The following TPGS2 variants were observed in gnomAD, a reference collection of about 807,000 sequenced individuals.
TPGS2 encodes tubulin polyglutamylase complex subunit 2, also known as polyglutamylase subunit 2.
In TPGS2, 26 loss-of-function variants were observed where a neutral mutation model predicts 31.1. The observed-to-expected ratio is 0.84, with a 90% CI of 0.61 to 1.16. The LOEUF (loss-of-function observed/expected upper bound fraction) is 1.16, where lower values mean the gene tolerates loss of function less well. TPGS2 is among the 50% of genes most tolerant of loss of function. The pLI is 0.00. For missense variants in TPGS2, 351 were observed against 363.8 expected, an observed-to-expected ratio of 0.96 and a Z score of 0.29; for synonymous variants, 130 against 136.6, an observed-to-expected ratio of 0.95 and a Z score of 0.34.
chr18:36,808,777 G>T (rs1224049891), intron 2 of TPGS2, among the ~76,000 whole-genome samples: 2 of 149,554 alleles, frequency 1.3e-5, no homozygotes, highest in Non-Finnish European at 3.0e-5. Flanking sequence ...ACCGTTGCTG[G>T]AGAGAACAAA....
intron 4 of TPGS2, among the ~76,000 whole-genome samples, chr18:36,801,217 A>C (rs1293154468): frequency 6.6e-6 from 1 of 152,238 alleles, no homozygotes; most frequent in Non-Finnish European, 1.5e-5. Flanking sequence ...CTGCAATAGA[A>C]TAGATGTTGC....
In TPGS2 at chr18:36,794,215, T is replaced by C; in HGVS notation, c.*2590A>G. 2.2e-6 allele frequency: 2 copies of C among 926,694 alleles called. No individual in the cohort carries two copies. Among genetic ancestry groups the C allele is most frequent in the Non-Finnish European group, 1.3e-6 (1 of 776,650 alleles). The allele number at this position is 926,694 out of a possible 1,614,324, so 57.4% of individuals were successfully genotyped here. On this transcript the variant is annotated 3_prime_UTR_variant, in exon 7 of 7. Coordinates refer to ENST00000334295, the MANE Select transcript of TPGS2 (RefSeq NM_015476.4). The stretch of plus-strand genomic sequence containing the variant: ...TATGGAAGAAAGGAAAAACATTACA[T>C]TTTAGTACCTGTAAAGGTAATGTTT...
intron 1 of TPGS2, among the ~76,000 whole-genome samples, chr18:36,819,190 C>A (rs2045790831): frequency 6.6e-6 from 1 of 152,164 alleles, no homozygotes; most frequent in African/African-American, 2.4e-5. Context: ...GAAAGGATAT[C>A]CACAGACTGT....
chr18:36,788,231 A>G (rs1430089147), intron 6 of TPGS2, among the ~76,000 whole-genome samples: 1 of 438 alleles, frequency 2.3e-3, no homozygotes, highest in Non-Finnish European at 3.9e-3. Flanking sequence ...TTTCACAGGA[A>G]ATTTGAGTTT....
At chr18:36,787,558 G>A (rs191478398) in intron 6 of TPGS2, among the ~76,000 whole-genome samples, 5 of 152,318 alleles carry the variant, frequency 3.3e-5, no homozygotes, top group East Asian at 1.9e-4. Flanking sequence ...GAATAAAAAC[G>A]TGGTATTTAT....
intron 5 of TPGS2, 65 bp downstream of exon 5, chr18:36,800,133 C>T (rs2044731238): frequency 6.9e-7 from 1 of 1,451,904 alleles, no homozygotes; most frequent in East Asian, 2.3e-5. Context: ...TGAGCCATGG[C>T]TGACAAGCAA....
chr18:36,790,405 G>C (rs1329246560), downstream of TPGS2, among the ~76,000 whole-genome samples: 1 of 152,230 alleles, frequency 6.6e-6, no homozygotes, highest in Non-Finnish European at 1.5e-5. Context: ...CATCCAGAGA[G>C]ATGGTTTCTT....
At position 36,805,516 on chromosome 18, in the gene TPGS2, C is replaced by T. The variant is rs773125577; in HGVS notation, c.254-14G>A. On this transcript the variant is annotated splice_polypyrimidine_tract_variant and intron_variant, in intron 3 of 6. Coordinates refer to ENST00000334295, the MANE Select transcript of TPGS2 (RefSeq NM_015476.4). ...GAATGATGTGCTCTAGGGGAACATG[C>T]GTTAAGGAGAATTACATGGAGTAAC... is the stretch of plus-strand genomic sequence containing the variant. 58 of 1,613,532 alleles carry T rather than the reference C, an allele frequency of 3.6e-5. No individual in the cohort carries two copies. Among genetic ancestry groups the T allele is most frequent in the Non-Finnish European group, 4.8e-5 (57 of 1,179,724 alleles).
At chr18:36,782,154 G>T (rs1268236998), downstream of TPGS2, among the ~76,000 whole-genome samples, 1 of 152,178 alleles carries the variant, frequency 6.6e-6, no homozygotes, top group Non-Finnish European at 1.5e-5. Context: ...CCTCCTGAGG[G>T]TCCTTGGTAT....
intron 2 of TPGS2, among the ~76,000 whole-genome samples, chr18:36,817,122 G>C (rs1568026263): frequency 6.6e-6 from 1 of 152,200 alleles, no homozygotes. Context: ...CTTTTCCTAT[G>C]ATGGGCTATG....
At chr18:36,815,615 T>C (rs975001497) in intron 2 of TPGS2, among the ~76,000 whole-genome samples, 11 of 151,796 alleles carry the variant, frequency 7.2e-5, no homozygotes, top group Non-Finnish European at 1.5e-4. Context: ...CTAGGAGACT[T>C]TTTTTTTGTA....
chr18:36,794,382 C>G lies in TPGS2; in HGVS notation c.*2423G>C, dbSNP rs2044425989. 9.1e-6 allele frequency: 9 copies of G among 985,370 alleles called. No individual in the cohort carries two copies. Among genetic ancestry groups the G allele is most frequent in the Admixed American group, 1.2e-4 (2 of 16,262 alleles). 61.0% of individuals were successfully genotyped at this position (985,370 alleles called of 1,614,324 possible). A position where few individuals can be genotyped will look rare whatever the true frequency, so the allele number is the denominator to read the frequency against. On this transcript the variant is annotated 3_prime_UTR_variant, in exon 7 of 7. Transcript: ENST00000334295. ...TATCATAACCCCCTTCCTTTGATAG[C>G]CTTTTGAGAACTCCCACTTGATTGC...
In TPGS2 at chr18:36,797,668, G is replaced by A. The variant is rs1261025073; in HGVS notation, c.658-618C>T. On this transcript the variant is annotated intron_variant, in intron 6 of 6. Transcript: ENST00000334295. ...ACTAGATGAATACATACACAGTAAGGTGAGCTGGAGCTGAGTTCCTAATTT... is the reference window on the plus strand; with the variant it reads ...ACTAGATGAATACATACACAGTAAGATGAGCTGGAGCTGAGTTCCTAATTT... 2.0e-5 allele frequency among the ~76,000 whole-genome samples: 3 copies of A among 150,002 alleles called. No individual in the cohort carries two copies. The East Asian group carries it at 5.8e-4, about 29-fold the overall frequency.
At chr18:36,809,213 C>A (rs766764939) in intron 2 of TPGS2, among the ~76,000 whole-genome samples, 2 of 152,106 alleles carry the variant, frequency 1.3e-5, no homozygotes, top group Non-Finnish European at 2.9e-5. Context: ...AACTCTAAGA[C>A]TTAATATACA....
At chr18:36,786,931 C>T in intron 6 of TPGS2, 8 of 1,234,422 alleles carry the variant, frequency 6.5e-6, no homozygotes, top group Non-Finnish European at 8.1e-6. Context: ...GCACACGCTA[C>T]AGCTCCGGGG....
rs770733967 is a variant in TPGS2 at position 36,794,349 on chromosome 18, C to T, written c.*2456G>A. The T allele has an allele frequency of 5.1e-6, 5 of 985,352 alleles. No individual in the cohort carries two copies. In the East Asian group the frequency reaches 5.7e-4, roughly 112 times the overall value. 61.0% of individuals were successfully genotyped at this position (985,352 alleles called of 1,614,324 possible). Reference sequence around the variant, plus strand: ...CACTCCTTCTGAGGCAGGTCTTGAGCCTTTCCTTATCATAACCCCCTTCCT... The same window carrying T: ...CACTCCTTCTGAGGCAGGTCTTGAGTCTTTCCTTATCATAACCCCCTTCCT... On this transcript the variant is annotated 3_prime_UTR_variant, in exon 7 of 7. Coordinates refer to ENST00000334295, the MANE Select transcript of TPGS2 (RefSeq NM_015476.4).
chr18:36,814,000 C>T (rs1339380979), intron 2 of TPGS2, among the ~76,000 whole-genome samples: 2 of 152,150 alleles, frequency 1.3e-5, no homozygotes, highest in Admixed American at 1.3e-4. Flanking sequence ...TCAGAACCCA[C>T]TCTGTAGACT....
intron 6 of TPGS2, chr18:36,786,464 G>A (rs1183335025): frequency 1.9e-5 from 3 of 155,860 alleles, no homozygotes; most frequent in Admixed American, 6.5e-5. Flanking sequence ...TGATCCACCC[G>A]CCTCGGCCTC....
chr18:36,797,407 C>T lies in TPGS2; in HGVS notation c.658-357G>A, dbSNP rs553323432. Among the ~76,000 whole-genome samples the T allele has an allele frequency of 2.0e-5, 3 of 150,628 alleles. No homozygotes were observed. The East Asian group carries it at 5.8e-4, about 29-fold the overall frequency. On this transcript the variant is annotated intron_variant, in intron 6 of 6. Transcript: ENST00000334295. ...GTTCTGCCCTCAAACCAGCTACTCC[C>T]CATCAGGTGGATTCTGGCAGCACCA...
Sources: allele counts gnomAD v4.1 joint callset (sites outside exome capture counted in the v4.1 genomes callset), GRCh38; gene constraint gnomAD v4.1.1; transcripts MANE v1.5; gene names NCBI Gene and HGNC (gene_info 2026-07-23, HGNC 2026-07-21).